DDX54: variants seen among roughly 807,000 people sequenced by gnomAD.
The protein encoded by DDX54 is ATP-dependent RNA helicase DDX54.
In DDX54, 67 loss-of-function variants were observed where a neutral mutation model predicts 105.5. The observed-to-expected ratio is 0.64, with a 90% CI of 0.52 to 0.78. DDX54 has a LOEUF of 0.78. Ranked by LOEUF, DDX54 falls within the 30% of genes least tolerant of loss-of-function variation. The probability of loss-of-function intolerance (pLI) is 0.00; values close to 1 mark genes in which losing one functional copy is unlikely to be tolerated. For synonymous variants in DDX54, 514 were observed against 509.9 expected (o/e 1.01, Z -0.11); for missense variants, 1,206 against 1,230.5 (o/e 0.98, Z 0.30).
chr12:113,161,190 C>T (rs1952200384), intron 19 of DDX54, 80 bp downstream of exon 19: 3 of 1,175,008 alleles, frequency 2.6e-6, no homozygotes, highest in Admixed American at 4.4e-5. Flanking sequence ...AGCCCCTGCA[C>T]CTGTGCCTCA....
chr12:113,163,340 C>G lies in DDX54; in HGVS notation c.1939-66G>C. ...CCCCCTGGGGACTTCCCCCTGCCTC[C>G]CTACCCACCAGCCTGGCCACAGTGA... On this transcript the variant is annotated intron_variant, in intron 15 of 19. Transcript: ENST00000306014. This position sits in a 1 kb window ranked among gnomAD's most constrained non-coding sequence, Gnocchi z 5.9. The G allele has an allele frequency of 1.3e-6, 2 of 1,551,840 alleles. No homozygotes were observed. Among genetic ancestry groups the G allele is most frequent in the Non-Finnish European group, 1.7e-6 (2 of 1,150,618 alleles).
At chr12:113,166,141 G>C (rs965251567) in intron 12 of DDX54, 109 bp from the exon 13 acceptor site, 3 of 1,071,448 alleles carry the variant, frequency 2.8e-6, no homozygotes, top group Non-Finnish European at 4.0e-6. Context: ...CAGGTAAATG[G>C]CTACAAAATA....
In DDX54 at chr12:113,162,848, T is replaced by C; in HGVS notation, c.2195+84A>G. Reference sequence around the variant, plus strand: ...GGGCATGGAGGGAGGGGCGGCTCACTCGATCACTCACCCCAGGCACGGAGG... The same window carrying C: ...GGGCATGGAGGGAGGGGCGGCTCACCCGATCACTCACCCCAGGCACGGAGG... On this transcript the variant is annotated intron_variant, in intron 17 of 19. Coordinates refer to ENST00000306014, the MANE Select transcript of DDX54 (RefSeq NM_024072.4). The C allele has an allele frequency of 4.4e-6, 6 of 1,356,610 alleles. No homozygotes were observed. In the South Asian group the frequency reaches 5.7e-5, roughly 13 times the overall value. 84.0% of individuals were successfully genotyped at this position (1,356,610 alleles called of 1,614,324 possible). A position where few individuals can be genotyped will look rare whatever the true frequency, so the allele number is the denominator to read the frequency against.
chr12:113,174,977 A>T (rs1396685761), intron 8 of DDX54, 41 bp from the exon 9 acceptor site: 1 of 1,611,004 alleles, frequency 6.2e-7, no homozygotes. Context: ...TCGCAGAGGG[A>T]CTGGCCCCCA....
chr12:113,185,394 A>T lies in DDX54; in HGVS notation c.58T>A (p.Trp20Arg), dbSNP rs774035439. ...GPRSRAAMAQWRKKKGLRKRR... is the reference protein window; with the variant it reads ...GPRSRAAMAQRRKKKGLRKRR... ...TTCCGGAGCCCTTTCTTCTTCCTCC[A>T]CTGGGCCATGGCAGCTCGCGACCGA... The change falls in exon 1 of 20, where the codon TGG becomes AGG. Residue 20 changes from tryptophan to arginine, a missense_variant. Coordinates refer to ENST00000306014, the MANE Select transcript of DDX54 (RefSeq NM_024072.4). 3.7e-5 allele frequency: 57 copies of T among 1,557,892 alleles called. No homozygotes were observed. The South Asian group carries it at 5.2e-4, about 14-fold the overall frequency.
rs1368346914 is a variant in DDX54, at chr12:113,163,129, C to G, written c.2081+3G>C. 2.5e-6 allele frequency: 4 copies of G among 1,612,726 alleles called. No homozygotes were observed. The highest frequency in any genetic ancestry group is 1.3e-5 in the African/African-American group (1 of 74,920). ...CCCACCCAGGACCCAGCCAGCCACTCACCCCCGCTCGCTGTCAAAGTCCTT... is the reference window on the plus strand; with the variant it reads ...CCCACCCAGGACCCAGCCAGCCACTGACCCCCGCTCGCTGTCAAAGTCCTT... On this transcript the variant is annotated splice_donor_region_variant and intron_variant, in intron 16 of 19. Transcript: ENST00000306014. This position sits in a 1 kb window ranked among gnomAD's most constrained non-coding sequence, Gnocchi z 5.9.
Position 113,172,232 on chromosome 12 carries a change from G to A in DDX54, c.1279+121C>T. 5.3e-6 allele frequency: 6 copies of A among 1,125,170 alleles called. No individual in the cohort carries two copies. The South Asian group carries it at 9.0e-5, about 17-fold the overall frequency. 69.7% of individuals were successfully genotyped at this position (1,125,170 alleles called of 1,614,324 possible). On this transcript the variant is annotated intron_variant, in intron 11 of 19. Transcript: ENST00000306014. ...AGCTTAAGCAATATAGCGAGGCTCT[G>A]TCTCTAAAACAAGGCCCACAGCCAC...
chr12:113,172,854 C>T (rs528631685), intron 10 of DDX54, among the ~76,000 whole-genome samples: 9 of 152,346 alleles, frequency 5.9e-5, no homozygotes, highest in African/African-American at 2.2e-4. Flanking sequence ...AAGCCTTATC[C>T]GGATTCTGCT....
chr12:113,173,546 G>A (rs1952362547), intron 10 of DDX54, among the ~76,000 whole-genome samples: 1 of 152,092 alleles, frequency 6.6e-6, no homozygotes, highest in South Asian at 2.1e-4. Flanking sequence ...TGCCTTCTGG[G>A]GCACAGCGAC....
At chr12:113,168,844 C>A (rs145913376) in intron 12 of DDX54, among the ~76,000 whole-genome samples, 1 of 152,086 alleles carries the variant, frequency 6.6e-6, no homozygotes, top group South Asian at 2.1e-4. Context: ...GCAGGAGAAT[C>A]GCTTGAACCC....
rs192963649 is a variant in DDX54 at position 113,159,045 on chromosome 12, C to T, written c.2478G>A (p.Lys826=). 7.4e-6 allele frequency: 12 copies of T among 1,611,276 alleles called. No individual in the cohort carries two copies. The Admixed American group carries it at 1.3e-4, about 18-fold the overall frequency. ...GGCGCCGCTGCTTCAGGATCTGCTG[C>T]TTGGTCTTGAGTTCCGGGCGGACTC... The part of the protein sequence containing the change: ...AGRVRPELKT[K]QQILKQRRRA... The change falls in exon 20 of 20, where the codon AAG becomes AAA. Residue 826 remains lysine (K), a synonymous_variant. Coordinates refer to ENST00000306014, the MANE Select transcript of DDX54 (RefSeq NM_024072.4).
chr12:113,177,072 G>T lies in DDX54; in HGVS notation c.636C>A (p.Ala212=), dbSNP rs1454727572. The change falls in exon 6 of 20, where the codon GCC becomes GCA. Residue 212 remains alanine (A), a synonymous_variant. Coordinates refer to ENST00000306014, the MANE Select transcript of DDX54 (RefSeq NM_024072.4). ...GGDRMEDQFA[A]LHENPDIIIA... is the part of the protein sequence containing the mutation. Reference sequence around the variant, plus strand: ...CTCACATGTCGGGATTTTCGTGCAGGGCTGCAAACTGGTCTTCCATCCTAG... The same window carrying T: ...CTCACATGTCGGGATTTTCGTGCAGTGCTGCAAACTGGTCTTCCATCCTAG... 4 of 1,613,960 alleles carry T rather than the reference G, an allele frequency of 2.5e-6. No individual in the cohort carries two copies. The highest frequency in any genetic ancestry group is 1.3e-5 in the African/African-American group (1 of 74,880).
chr12:113,180,815 G>C (rs924584490), intron 2 of DDX54, 114 bp downstream of exon 2: 2 of 1,537,034 alleles, frequency 1.3e-6, no homozygotes, highest in East Asian at 4.7e-5. Context: ...CTGCTACCCC[G>C]GTCTACCCAA....
In DDX54 at chr12:113,158,192, G is replaced by A. The variant is rs779346327; in HGVS notation, c.*685C>T. On this transcript the variant is annotated 3_prime_UTR_variant, in exon 20 of 20. Coordinates refer to ENST00000306014, the MANE Select transcript of DDX54 (RefSeq NM_024072.4). This position sits in a 1 kb window ranked among gnomAD's most constrained non-coding sequence, Gnocchi z 4.9. ...TCTGACCTCCAGGTGTGGAGGGGCC[G>A]CGTTAACCTCTTCATAGCCAGAGGG... is the stretch of plus-strand genomic sequence containing the variant. 7.0e-5 allele frequency: 11 copies of A among 157,932 alleles called. No homozygotes were observed. Among genetic ancestry groups the A allele is most frequent in the Non-Finnish European group, 9.8e-5 (7 of 71,224 alleles). 9.8% of individuals were successfully genotyped at this position (157,932 alleles called of 1,614,324 possible).
chr12:113,182,539 G>C (rs1024987801), intron 1 of DDX54, among the ~76,000 whole-genome samples: 10 of 152,012 alleles, frequency 6.6e-5, no homozygotes, highest in African/African-American at 2.2e-4. Context: ...CTGAATGTAT[G>C]AACAGCATGT....
At position 113,163,182 on chromosome 12, in the gene DDX54, G is replaced by A; in HGVS notation, c.2031C>T (p.Asp677=). 2 of 1,612,870 alleles carry A rather than the reference G, an allele frequency of 1.2e-6. No individual in the cohort carries two copies. The highest frequency in any genetic ancestry group is 1.7e-6 in the Non-Finnish European group (2 of 1,180,004). ...KRRREEARQR[D]QEFYIPYRPK... ...GCCGGTAGGGGATGTAGAATTCCTG[G>A]TCCCGCTGCCGGGCCTCCTCCCTCC... The change falls in exon 16 of 20, where the codon GAC becomes GAT. Residue 677 remains aspartate (D), a synonymous_variant. Coordinates refer to ENST00000306014, the MANE Select transcript of DDX54 (RefSeq NM_024072.4). This position sits in a 1 kb window ranked among gnomAD's most constrained non-coding sequence, Gnocchi z 5.9.
chr12:113,179,659 G>C (rs1438714055), intron 3 of DDX54, among the ~76,000 whole-genome samples: 1 of 152,170 alleles, frequency 6.6e-6, no homozygotes, highest in Non-Finnish European at 1.5e-5. Flanking sequence ...ATAATCACAA[G>C]CCCTGGGTGA....
At chr12:113,166,356 G>A (rs1026246245) in intron 12 of DDX54, among the ~76,000 whole-genome samples, 1 of 151,938 alleles carries the variant, frequency 6.6e-6, no homozygotes, top group Non-Finnish European at 1.5e-5. Flanking sequence ...AGCCACCCTG[G>A]ATCACACAGC....
intron 11 of DDX54, among the ~76,000 whole-genome samples, 177 bp from the exon 12 acceptor site, chr12:113,170,081 T>C (rs1952319284): frequency 6.6e-6 from 1 of 152,104 alleles, no homozygotes; most frequent in Non-Finnish European, 1.5e-5. Context: ...TCTGTGAGAG[T>C]GTGCCCAAGC....
Sources: gnomAD v4.1 joint callset for allele counts (sites outside exome capture counted in the v4.1 genomes callset) on GRCh38, gnomAD v4.1.1 for gene constraint, Gnocchi (gnomAD v3.1) non-coding constraint, MANE v1.5 for transcripts, NCBI Gene and HGNC (gene_info 2026-07-23, HGNC 2026-07-21) for gene names.